POR: variants seen among roughly 807,000 people sequenced by gnomAD.
POR encodes the protein NADPH--cytochrome P450 reductase.
A neutral mutation model predicts 84.0 loss-of-function variants in POR; 56 were observed. The ratio of observed to expected loss-of-function variants is 0.67; its 90% confidence interval spans 0.54 to 0.83. The LOEUF is 0.83. Among genes scored for constraint, POR ranks in the 40% least tolerant of loss-of-function variants. The pLI is 0.00. For synonymous variants in POR, 414 were observed against 400.5 expected (o/e 1.03, Z -0.40); for missense variants, 938 against 944.3 (o/e 0.99, Z 0.09).
rs782434696 is a variant in POR, at chr7:75,981,519, TGGA to T, written c.651_653del (p.Glu217del). On this transcript the variant is annotated inframe_deletion, in exon 7 of 16. Transcript: ENST00000461988. ...CCCCTCTCCTCTCCTCGGCCCAGCT[TGGA>T]GGAGGACTTCATCACCTGGCGAGAG... The T allele has an allele frequency of 1.8e-5, 29 of 1,611,876 alleles. No homozygotes were observed. Among genetic ancestry groups the T allele is most frequent in the Non-Finnish European group, 2.4e-5 (28 of 1,179,374 alleles).
chr7:75,944,345 G>C (rs1245588560), intron 1 of POR, among the ~76,000 whole-genome samples: 1 of 152,170 alleles, frequency 6.6e-6, no homozygotes, highest in African/African-American at 2.4e-5. Flanking sequence ...CCAGCAACAT[G>C]GTGAGACCCT....
At chr7:75,977,671 A>C (rs1376110743) in intron 3 of POR, among the ~76,000 whole-genome samples, 1 of 152,170 alleles carries the variant, frequency 6.6e-6, no homozygotes, top group Non-Finnish European at 1.5e-5. Flanking sequence ...CCAGCTACTC[A>C]GGAGGCTGAG....
At chr7:75,961,247 A>G (rs1787925782) in intron 2 of POR, among the ~76,000 whole-genome samples, 1 of 148,300 alleles carries the variant, frequency 6.7e-6, no homozygotes, top group African/African-American at 2.5e-5. Context: ...GGCAGTATCA[A>G]ATAAAAACTT....
chr7:75,983,373 C>A, intron 8 of POR, 147 bp from the exon 9 acceptor site: 1 of 631,822 alleles, frequency 1.6e-6, no homozygotes, highest in Non-Finnish European at 2.8e-6. Context: ...TTGGACCAGG[C>A]TGGGAGAGCC....
chr7:75,933,541 A>G (rs1807529405), intron 1 of POR, among the ~76,000 whole-genome samples: 1 of 151,654 alleles, frequency 6.6e-6, no homozygotes, highest in Non-Finnish European at 1.5e-5. Context: ...GGCACCTGCC[A>G]CCACGCCTGG....
chr7:75,946,394 C>G (rs1330202745), intron 1 of POR, among the ~76,000 whole-genome samples: 3 of 152,000 alleles, frequency 2.0e-5, no homozygotes, highest in African/African-American at 7.3e-5. Context: ...TCAGGTGATC[C>G]TCCTACCTCG....
chr7:75,986,481 G>A lies in POR; in HGVS notation c.2043G>A (p.Ter681=), dbSNP rs1585136971. The A allele has an allele frequency of 6.2e-7, 1 of 1,608,054 alleles. No individual in the cohort carries two copies. The highest frequency in any genetic ancestry group is 2.2e-5 in the East Asian group (1 of 44,852). The stretch of plus-strand genomic sequence containing the variant: ...GCTACTCCCTGGACGTGTGGAGCTA[G>A]GGGCCTGCCTGCCCCACCCACCCCA... The change falls in exon 16 of 16, where the codon TAG becomes TAA. Residue 681 remains the stop codon, a stop_retained_variant. Transcript: ENST00000461988.
intron 2 of POR, 76 bp downstream of exon 2, chr7:75,954,256 T>A: frequency 7.0e-7 from 1 of 1,432,566 alleles, no homozygotes; most frequent in Non-Finnish European, 9.6e-7. Context: ...CATGCGGGCC[T>A]CAGGCTGAAA....
intron 1 of POR, among the ~76,000 whole-genome samples, chr7:75,929,492 G>C (rs10954699): frequency 0.21 from 31,515 of 152,068 alleles, 5,275 homozygotes; most frequent in African/African-American, 0.45. Flanking sequence ...GACCTCAGGT[G>C]ATCTTCCCAC....
chr7:75,933,610 C>G (rs781968186), intron 1 of POR, among the ~76,000 whole-genome samples: 2 of 152,046 alleles, frequency 1.3e-5, no homozygotes, highest in Non-Finnish European at 2.9e-5. Context: ...AGGCTGGTTT[C>G]TAACTCCTGA....
chr7:75,942,045 CCT>C (rs534963114), intron 1 of POR, among the ~76,000 whole-genome samples: 2 of 151,952 alleles, frequency 1.3e-5, no homozygotes, highest in Non-Finnish European at 2.9e-5. Context: ...ATGGCTAACC[CCT>C]GTCTCTACAA....
intron 1 of POR, among the ~76,000 whole-genome samples, chr7:75,936,110 G>A (rs1467769430): frequency 4.2e-5 from 1 of 23,800 alleles, no homozygotes; most frequent in African/African-American, 1.3e-4. Flanking sequence ...TTTTTTTTTT[G>A]AGAGATGGTC....
chr7:75,929,196 G>T (rs1360694619), intron 1 of POR, among the ~76,000 whole-genome samples: 3 of 152,174 alleles, frequency 2.0e-5, no homozygotes, highest in Non-Finnish European at 4.4e-5. Context: ...CCACATTCTA[G>T]AATTTAAACA....
chr7:75,931,808 C>G (rs930804970), intron 1 of POR, among the ~76,000 whole-genome samples: 16 of 152,186 alleles, frequency 1.1e-4, no homozygotes, highest in Non-Finnish European at 2.4e-4. Context: ...CACACATGAA[C>G]CGGCTCCCAC....
At chr7:75,980,519 C>G (rs373201804) in intron 5 of POR, 31 bp downstream of exon 5, 1 of 1,612,574 alleles carries the variant, frequency 6.2e-7, no homozygotes, top group African/African-American at 1.3e-5. Flanking sequence ...TATGGGCTCC[C>G]GGTGGCCTGC....
intron 7 of POR, 123 bp downstream of exon 7, chr7:75,981,729 G>T: frequency 1.2e-6 from 1 of 804,354 alleles, no homozygotes; most frequent in Non-Finnish European, 1.9e-6. Flanking sequence ...TCATAGGGTC[G>T]AGGAGGGACC....
chr7:75,958,193 T>C (rs1787768842), intron 2 of POR, among the ~76,000 whole-genome samples: 1 of 152,200 alleles, frequency 6.6e-6, no homozygotes, highest in South Asian at 2.1e-4. Flanking sequence ...CTCGGCTCAC[T>C]GCAACCTCCG....
chr7:75,917,485 C>T (rs1020798534), intron 1 of POR, among the ~76,000 whole-genome samples: 7 of 147,764 alleles, frequency 4.7e-5, no homozygotes, highest in African/African-American at 1.8e-4. Flanking sequence ...TGTCCTTGTG[C>T]TTTAGGGAGG....
intron 1 of POR, among the ~76,000 whole-genome samples, chr7:75,948,510 G>A (rs1563411134): frequency 6.6e-6 from 1 of 152,198 alleles, no homozygotes; most frequent in African/African-American, 2.4e-5. Context: ...TCCGGGAAGA[G>A]GCTGAAAGAA....
Sources: allele counts gnomAD v4.1 joint callset (sites outside exome capture counted in the v4.1 genomes callset), GRCh38; gene constraint gnomAD v4.1.1; transcripts MANE v1.5; gene names NCBI Gene and HGNC (gene_info 2026-07-23, HGNC 2026-07-21).